Variants in PAAF1 observed in about 807,000 individuals in gnomAD.
PAAF1 encodes the protein proteasomal ATPase associated factor 1.
PAAF1 carries 46 observed loss-of-function variants against 52.8 expected under a neutral mutation model. The observed-to-expected ratio is 0.87, with a 90% confidence interval of 0.69 to 1.11. The LOEUF (loss-of-function observed/expected upper bound fraction) is 1.11. PAAF1 is among the 50% of genes most tolerant of loss of function. PAAF1 has a pLI of 0.00. For synonymous variants in PAAF1, 178 were observed against 172.8 expected (o/e 1.03, Z -0.24); for missense variants, 424 against 477.4 (o/e 0.89, Z 1.04).
At chr11:73,922,816 CAAAAAAA>C (rs372724683) in intron 10 of PAAF1, among the ~76,000 whole-genome samples, 1 of 77,708 alleles carries the variant, frequency 1.3e-5, no homozygotes, top group Admixed American at 1.5e-4. Flanking sequence ...GACTCCGTCT[CAAAAAAA>C]AAAAAAAAAA....
intron 10 of PAAF1, among the ~76,000 whole-genome samples, chr11:73,923,178 A>C (rs117630947): frequency 0.012 from 1,881 of 152,228 alleles, 22 homozygotes; most frequent in Non-Finnish European, 0.018. Flanking sequence ...TTTTAATAGT[A>C]ATGCAAAAAA....
chr11:73,902,310 T>C (rs1477213508), intron 6 of PAAF1, among the ~76,000 whole-genome samples: 1 of 152,172 alleles, frequency 6.6e-6, no homozygotes, highest in South Asian at 2.1e-4. Context: ...GAAACAATAT[T>C]CAGAGCCTTC....
At chr11:73,921,947 G>T in intron 10 of PAAF1, 1 of 978,974 alleles carries the variant, frequency 1.0e-6, no homozygotes, top group Non-Finnish European at 1.6e-6. Context: ...CACTTCTGGA[G>T]TTCCTTCAGA....
At chr11:73,890,088 A>G (rs1949158948) in intron 3 of PAAF1, among the ~76,000 whole-genome samples, 1 of 152,318 alleles carries the variant, frequency 6.6e-6, no homozygotes, top group South Asian at 2.1e-4. Context: ...AAGAATTACC[A>G]GAGACTTTGA....
intron 6 of PAAF1, among the ~76,000 whole-genome samples, chr11:73,908,231 GTGTGTATATATA>G (rs1009592416): frequency 1.9e-4 from 28 of 148,712 alleles, no homozygotes; most frequent in African/African-American, 4.9e-4. Context: ...ATATATATAT[GTGTGTATATATA>G]TGTGTATATA....
intron 3 of PAAF1, among the ~76,000 whole-genome samples, chr11:73,890,560 A>G (rs1016613890): frequency 2.6e-5 from 4 of 152,230 alleles, no homozygotes; most frequent in African/African-American, 7.2e-5. Flanking sequence ...CCAGGCCTAC[A>G]TATTTTATGG....
chr11:73,881,414 TAGCTGGGACTAC>T (rs1440096441), intron 2 of PAAF1, among the ~76,000 whole-genome samples: 1 of 152,166 alleles, frequency 6.6e-6, no homozygotes, highest in Non-Finnish European at 1.5e-5. Flanking sequence ...GCCTCCTGAA[TAGCTGGGACTAC>T]AGCTGGGACT....
At chr11:73,908,898 C>T (rs1000849950) in intron 6 of PAAF1, among the ~76,000 whole-genome samples, 1 of 152,082 alleles carries the variant, frequency 6.6e-6, no homozygotes, top group Non-Finnish European at 1.5e-5. Context: ...GAGCGATTCT[C>T]CTGCCTCAGC....
At chr11:73,904,108 T>TAC in intron 6 of PAAF1, among the ~76,000 whole-genome samples, 1 of 151,852 alleles carries the variant, frequency 6.6e-6, no homozygotes, top group South Asian at 2.1e-4. Flanking sequence ...TATATATATA[T>TAC]ACATAAATTG....
At position 73,928,388 on chromosome 11, in the gene PAAF1, T is replaced by C. The variant is rs762566721; in HGVS notation, c.*1026T>C. On this transcript the variant is annotated 3_prime_UTR_variant, in exon 12 of 12. Coordinates refer to ENST00000310571, the MANE Select transcript of PAAF1 (RefSeq NM_025155.3). Reference sequence around the variant, plus strand: ...GCTAAGGAGCTCAGACTTTACGTGGTTGGCAGTGGGGAACCACTGAAGGGT... The same window carrying C: ...GCTAAGGAGCTCAGACTTTACGTGGCTGGCAGTGGGGAACCACTGAAGGGT... 2.6e-5 allele frequency: 4 copies of C among 152,166 alleles called. No individual in the cohort carries two copies. The highest frequency in any genetic ancestry group is 1.3e-4 in the Admixed American group (2 of 15,274). The allele number at this position is 152,166 out of a possible 1,614,324, so 9.4% of individuals were successfully genotyped here. A position where few individuals can be genotyped will look rare whatever the true frequency, so the allele number is the denominator to read the frequency against.
At chr11:73,904,181 T>C (rs1949698389) in intron 6 of PAAF1, among the ~76,000 whole-genome samples, 1 of 152,060 alleles carries the variant, frequency 6.6e-6, no homozygotes, top group Non-Finnish European at 1.5e-5. Flanking sequence ...GTTTGTTCTC[T>C]ACTTAATTAA....
intron 6 of PAAF1, among the ~76,000 whole-genome samples, chr11:73,909,099 T>C (rs1434437613): frequency 6.6e-6 from 1 of 152,164 alleles, no homozygotes; most frequent in East Asian, 1.9e-4. Context: ...TTAATTTTTC[T>C]TTTTAAAAAA....
intron 6 of PAAF1, among the ~76,000 whole-genome samples, chr11:73,908,912 C>T (rs1055285482): frequency 6.6e-6 from 1 of 152,104 alleles, no homozygotes; most frequent in African/African-American, 2.4e-5. Context: ...CCTCAGCCTC[C>T]TGTTTAGCTG....
intron 4 of PAAF1, among the ~76,000 whole-genome samples, chr11:73,897,512 G>A (rs1949440185): frequency 6.6e-6 from 1 of 151,662 alleles, no homozygotes; most frequent in Non-Finnish European, 1.5e-5. Flanking sequence ...GGACAGGGTG[G>A]CAGGGCAGAG....
At chr11:73,882,051 T>A (rs997510386) in intron 2 of PAAF1, among the ~76,000 whole-genome samples, 3 of 151,722 alleles carry the variant, frequency 2.0e-5, no homozygotes, top group Admixed American at 6.6e-5. Flanking sequence ...ATTTTGTATT[T>A]TTTTTTTTTA....
intron 10 of PAAF1, among the ~76,000 whole-genome samples, chr11:73,920,404 T>C (rs1034686258): frequency 2.0e-5 from 3 of 151,696 alleles, no homozygotes; most frequent in Non-Finnish European, 2.9e-5. Context: ...GGTGGTTCAT[T>C]TCTGTGGTCC....
chr11:73,900,984 A>C (rs1949593229), intron 6 of PAAF1, among the ~76,000 whole-genome samples: 1 of 79,638 alleles, frequency 1.3e-5, no homozygotes, highest in African/African-American at 9.4e-5. Flanking sequence ...TCCGTCTCAA[A>C]AAAAAAAAAA....
chr11:73,876,904 T>C, upstream of PAAF1: 5 of 1,073,244 alleles, frequency 4.7e-6, no homozygotes, highest in Non-Finnish European at 6.3e-6. Flanking sequence ...TGTGAAAAAG[T>C]CACGTTTTCA....
In PAAF1 at chr11:73,909,535, A is replaced by G; in HGVS notation, c.669A>G (p.Gly223=). Residue 223 remains glycine (G), a synonymous_variant, in exon 7 of 12, where the codon GGA becomes GGG. Coordinates refer to ENST00000310571, the MANE Select transcript of PAAF1 (RefSeq NM_025155.3). Reference sequence around the variant, plus strand: ...CAGATTGTGGTTCTTCTATCAATGGAGTGGCGGTGGGTGCTGCTGACAACT... The same window carrying G: ...CAGATTGTGGTTCTTCTATCAATGGGGTGGCGGTGGGTGCTGCTGACAACT... ...VLADCGSSIN[G]VAVGAADNSI... 2 of 1,614,120 alleles carry G rather than the reference A, an allele frequency of 1.2e-6. No individual in the cohort carries two copies. The highest frequency in any genetic ancestry group is 1.7e-6 in the Non-Finnish European group (2 of 1,180,026).
Sources: gnomAD v4.1 joint callset for allele counts (sites outside exome capture counted in the v4.1 genomes callset) on GRCh38, gnomAD v4.1.1 for gene constraint, MANE v1.5 for transcripts, NCBI Gene and HGNC (gene_info 2026-07-23, HGNC 2026-07-21) for gene names.